Variants in BBOX1 observed in about 807,000 individuals in gnomAD.
BBOX1 encodes gamma-butyrobetaine hydroxylase 1.
BBOX1 carries 35 observed loss-of-function variants against 41.6 expected under a neutral mutation model. The observed-to-expected ratio is 0.84, with a 90% CI of 0.64 to 1.11. The LOEUF (loss-of-function observed/expected upper bound fraction) is 1.11, where lower values mean the gene tolerates loss of function less well. BBOX1 is among the 50% of genes most tolerant of loss of function. BBOX1 has a pLI of 0.00. For synonymous variants in BBOX1, 163 were observed against 154.7 expected (o/e 1.05, Z -0.40); for missense variants, 458 against 460.6 (o/e 0.99, Z 0.05).
chr11:27,076,694 G>C (rs913334268), intron 4 of BBOX1, among the ~76,000 whole-genome samples: 31 of 152,258 alleles, frequency 2.0e-4, no homozygotes, highest in African/African-American at 6.5e-4. Context: ...AGCCAGGTAG[G>C]GGCTGGGTCA....
chr11:27,086,531 G>C (rs1172120019), intron 4 of BBOX1, among the ~76,000 whole-genome samples: 2 of 152,096 alleles, frequency 1.3e-5, no homozygotes, highest in Admixed American at 6.6e-5. Context: ...AAGAGAAGAT[G>C]CTTTTCAAAA....
At chr11:27,100,187 A>G (rs953345534) in intron 5 of BBOX1, among the ~76,000 whole-genome samples, 2 of 152,060 alleles carry the variant, frequency 1.3e-5, no homozygotes, top group Admixed American at 6.6e-5. Context: ...AATTGCTCCT[A>G]CCATGAATAC....
At chr11:27,105,667 G>A (rs1335497948) in intron 5 of BBOX1, among the ~76,000 whole-genome samples, 4 of 151,898 alleles carry the variant, frequency 2.6e-5, no homozygotes, top group Non-Finnish European at 5.9e-5. Context: ...GGAAAACACT[G>A]CAGGATATCA....
chr11:27,105,772 T>A (rs758628607), intron 5 of BBOX1, among the ~76,000 whole-genome samples: 13 of 151,842 alleles, frequency 8.6e-5, no homozygotes, highest in Non-Finnish European at 1.9e-4. Context: ...GAACAGCAGC[T>A]CCAAGACACA....
chr11:27,051,784 T>C (rs182285846), intron 2 of BBOX1, among the ~76,000 whole-genome samples: 1 of 152,138 alleles, frequency 6.6e-6, no homozygotes, highest in Admixed American at 6.5e-5. Context: ...CTCTATTTCA[T>C]TTATTTCTGC....
intron 4 of BBOX1, among the ~76,000 whole-genome samples, chr11:27,074,935 G>A (rs971307161): frequency 2.0e-5 from 3 of 152,218 alleles, no homozygotes; most frequent in African/African-American, 7.2e-5. Flanking sequence ...CTGGCATTGA[G>A]TGTCTGTGGC....
intron 5 of BBOX1, among the ~76,000 whole-genome samples, chr11:27,095,717 C>A (rs1338045610): frequency 6.6e-6 from 1 of 151,952 alleles, no homozygotes; most frequent in Non-Finnish European, 1.5e-5. Context: ...CAAGAACTGA[C>A]AGAACAGTTT....
At chr11:27,102,918 T>C (rs1001760696) in intron 5 of BBOX1, among the ~76,000 whole-genome samples, 2 of 152,124 alleles carry the variant, frequency 1.3e-5, no homozygotes, top group South Asian at 4.1e-4. Flanking sequence ...TGGCCAGGCA[T>C]GGTGGCTCAC....
At chr11:27,051,019 C>A (rs1851654916) in intron 2 of BBOX1, among the ~76,000 whole-genome samples, 1 of 151,970 alleles carries the variant, frequency 6.6e-6, no homozygotes, top group Admixed American at 6.6e-5. Flanking sequence ...CTCTATACAT[C>A]TTTGTTGATA....
chr11:27,041,915 G>A (rs535524731), intron 2 of BBOX1, among the ~76,000 whole-genome samples: 2 of 152,222 alleles, frequency 1.3e-5, no homozygotes, highest in African/African-American at 4.8e-5. Context: ...CCCAAAGAAT[G>A]GTGACTGCAT....
intron 5 of BBOX1, among the ~76,000 whole-genome samples, chr11:27,096,360 A>T (rs1858438242): frequency 6.6e-6 from 1 of 152,020 alleles, no homozygotes; most frequent in Non-Finnish European, 1.5e-5. Context: ...GAGTGAGTGA[A>T]TGGAATGAAT....
At chr11:27,095,864 A>G (rs10501075) in intron 5 of BBOX1, among the ~76,000 whole-genome samples, 10,056 of 152,056 alleles carry the variant, frequency 0.066, 1,115 homozygotes, top group African/African-American at 0.23. Flanking sequence ...GTGATACTGA[A>G]GTCTGGGTAA....
intron 5 of BBOX1, among the ~76,000 whole-genome samples, chr11:27,105,794 T>C (rs888275422): frequency 6.6e-6 from 1 of 152,068 alleles, no homozygotes; most frequent in African/African-American, 2.4e-5. Context: ...AACTGTCAGA[T>C]TCACCAAAGT....
intron 5 of BBOX1, among the ~76,000 whole-genome samples, chr11:27,111,072 CTT>C (rs1859043603): frequency 6.6e-6 from 1 of 151,176 alleles, no homozygotes; most frequent in East Asian, 1.9e-4. Context: ...TTTTTTTTAA[CTT>C]TTAAGCTAAG....
intron 4 of BBOX1, among the ~76,000 whole-genome samples, chr11:27,082,652 G>A (rs1396243903): frequency 2.0e-5 from 3 of 152,110 alleles, no homozygotes; most frequent in African/African-American, 7.2e-5. Flanking sequence ...TCAATAAAAT[G>A]AGAACAATGA....
intron 4 of BBOX1, among the ~76,000 whole-genome samples, chr11:27,058,107 G>A (rs533998932): frequency 6.6e-6 from 1 of 152,250 alleles, no homozygotes; most frequent in Non-Finnish European, 1.5e-5. Flanking sequence ...ATGAAACTAT[G>A]TGAATCAAAG....
At chr11:27,094,725 C>T (rs948462455) in intron 5 of BBOX1, among the ~76,000 whole-genome samples, 10 of 151,934 alleles carry the variant, frequency 6.6e-5, no homozygotes, top group African/African-American at 2.4e-4. Flanking sequence ...CAAAAATATT[C>T]AATCACTGAA....
chr11:27,080,317 C>A (rs55809034), intron 4 of BBOX1, among the ~76,000 whole-genome samples: 12,697 of 152,122 alleles, frequency 0.083, 781 homozygotes, highest in South Asian at 0.28. Context: ...TGGGTCCTCT[C>A]TCTGTCACTA....
chr11:27,100,844 C>T (rs928915930), intron 5 of BBOX1, among the ~76,000 whole-genome samples: 1 of 151,050 alleles, frequency 6.6e-6, no homozygotes, highest in South Asian at 2.1e-4. Flanking sequence ...GGTCCTCTGA[C>T]ACCCCACCCC....
Sources: gnomAD v4.1 joint callset for allele counts (sites outside exome capture counted in the v4.1 genomes callset) on GRCh38, gnomAD v4.1.1 for gene constraint, MANE v1.5 for transcripts, NCBI Gene and HGNC (gene_info 2026-07-23, HGNC 2026-07-21) for gene names.